CRACDL: variants seen among roughly 807,000 people sequenced by gnomAD.
CRACDL encodes CRACD like.
Under a neutral mutation model 70.6 loss-of-function variants are expected in CRACDL, and 26 were observed. That is an observed-to-expected ratio of 0.37 (90% confidence interval 0.27 to 0.51). The LOEUF is 0.51. CRACDL is among the 20% of genes least tolerant of loss of function. The pLI, the probability that CRACDL is intolerant of heterozygous loss-of-function variation, is 0.94. For missense variants in CRACDL, 1,283 were observed against 1,376.9 expected (o/e 0.93, Z 1.08); for synonymous variants, 618 against 615.2 (o/e 1.00, Z -0.07).
chr2:98,923,270 C>CAA (rs1188228876), intron 1 of CRACDL, among the ~76,000 whole-genome samples: 4 of 75,560 alleles, frequency 5.3e-5, no homozygotes, highest in Non-Finnish European at 8.6e-5. Flanking sequence ...GACACTGTCT[C>CAA]AAAAAAAAAA....
intron 2 of CRACDL, among the ~76,000 whole-genome samples, chr2:98,839,037 C>T (rs565397754): frequency 6.6e-6 from 1 of 152,328 alleles, no homozygotes; most frequent in East Asian, 1.9e-4. Context: ...GGAATAGTTA[C>T]AGAACTGACA....
At chr2:98,813,555 A>G (rs1000566432) in intron 7 of CRACDL, among the ~76,000 whole-genome samples, 1 of 152,224 alleles carries the variant, frequency 6.6e-6, no homozygotes, top group Non-Finnish European at 1.5e-5. Flanking sequence ...CCTAAGTCTC[A>G]CATCATATAC....
At position 98,836,977 on chromosome 2, in the gene CRACDL, C is replaced by A. The variant is rs138415320; in HGVS notation, c.239+1142G>T. On this transcript the variant is annotated intron_variant, in intron 3 of 9. Transcript: ENST00000397899. ...GCGGGTGCCTGTAGTCCCAGCTACT[C>A]GGGAGGCTGAGGCAGGAGGATGGCG... Among the ~76,000 whole-genome samples, 792 of 151,326 alleles carry A rather than the reference C, an allele frequency of 5.2e-3. 9 individuals are homozygous for A. Among genetic ancestry groups the A allele is most frequent in the African/African-American group, 0.018 (760 of 41,224 alleles).
chr2:98,915,462 G>A (rs1273561734), intron 1 of CRACDL, among the ~76,000 whole-genome samples: 1 of 152,142 alleles, frequency 6.6e-6, no homozygotes, highest in East Asian at 1.9e-4. Context: ...CCGGGGACTG[G>A]TGGAACATGA....
intron 2 of CRACDL, among the ~76,000 whole-genome samples, chr2:98,842,913 A>C (rs567207981): frequency 6.7e-6 from 1 of 148,324 alleles, no homozygotes. Flanking sequence ...TGTAAACATA[A>C]GTTTTCACTG....
chr2:98,907,756 T>A (rs1410061816), intron 1 of CRACDL, among the ~76,000 whole-genome samples: 1 of 152,192 alleles, frequency 6.6e-6, no homozygotes, highest in African/African-American at 2.4e-5. Flanking sequence ...CTGTCCAATA[T>A]CACAATTGCT....
intron 8 of CRACDL, 42 bp downstream of exon 8, chr2:98,797,308 T>C: frequency 6.3e-7 from 1 of 1,589,436 alleles, no homozygotes; most frequent in South Asian, 1.1e-5. Context: ...AGCTGGCTGC[T>C]CCCTCCTGCA....
chr2:98,796,722 T>A (rs1703838195), intron 8 of CRACDL, among the ~76,000 whole-genome samples: 1 of 152,140 alleles, frequency 6.6e-6, no homozygotes, highest in Non-Finnish European at 1.5e-5. Context: ...AGGCTCAGGC[T>A]CTCTTCCCCA....
At chr2:98,891,449 G>A (rs1001933197) in intron 1 of CRACDL, among the ~76,000 whole-genome samples, 1 of 149,774 alleles carries the variant, frequency 6.7e-6, no homozygotes, top group Non-Finnish European at 1.5e-5. Context: ...TTGGATTTGG[G>A]ATGGTCAACC....
At chr2:98,920,667 C>T (rs540065161) in intron 1 of CRACDL, among the ~76,000 whole-genome samples, 7 of 152,280 alleles carry the variant, frequency 4.6e-5, no homozygotes, top group Admixed American at 1.3e-4. Context: ...CCTGTGGAAA[C>T]GGGTCTCACT....
chr2:98,852,547 CA>C (rs1480948674), intron 1 of CRACDL, among the ~76,000 whole-genome samples: 3 of 151,634 alleles, frequency 2.0e-5, no homozygotes, highest in African/African-American at 7.3e-5. Context: ...AAATAGCCAA[CA>C]AAGACTTTAA....
At chr2:98,852,406 T>C (rs1327135057) in intron 1 of CRACDL, among the ~76,000 whole-genome samples, 2 of 152,098 alleles carry the variant, frequency 1.3e-5, no homozygotes, top group Admixed American at 6.5e-5. Flanking sequence ...AGAGTTCCTA[T>C]GAAATATCAT....
chr2:98,883,010 A>T (rs1275854581), intron 1 of CRACDL, among the ~76,000 whole-genome samples: 2 of 152,232 alleles, frequency 1.3e-5, no homozygotes, highest in Non-Finnish European at 2.9e-5. Flanking sequence ...GCACGTGCCC[A>T]GTGTGATCTG....
chr2:98,829,670 G>C (rs1201089094), intron 5 of CRACDL, among the ~76,000 whole-genome samples: 1 of 152,190 alleles, frequency 6.6e-6, no homozygotes, highest in African/African-American at 2.4e-5. Flanking sequence ...TTGCAGGGAA[G>C]GCAGCTCAAA....
chr2:98,831,656 T>G (rs1705547843), intron 5 of CRACDL, among the ~76,000 whole-genome samples: 1 of 152,222 alleles, frequency 6.6e-6, no homozygotes, highest in South Asian at 2.1e-4. Flanking sequence ...CATTAAGTGT[T>G]CTTACCACAA....
intron 3 of CRACDL, among the ~76,000 whole-genome samples, chr2:98,835,487 G>A (rs1198460127): frequency 2.0e-5 from 3 of 152,176 alleles, no homozygotes; most frequent in Non-Finnish European, 4.4e-5. Context: ...AAGACGGAGC[G>A]AATTTCAAGT....
intron 1 of CRACDL, among the ~76,000 whole-genome samples, chr2:98,874,559 T>C (rs1471824557): frequency 1.3e-5 from 2 of 152,188 alleles, no homozygotes; most frequent in Admixed American, 6.5e-5. Flanking sequence ...AGAATAGTCA[T>C]TGGAGAACTT....
Position 98,936,200 on chromosome 2 carries a change from C to A in CRACDL, c.-273G>T, listed in dbSNP as rs972468835. ...CCAGCTCCCAGCTCCCAGCTGCAGG[C>A]GCGCCGGCTTCGCTCGGCTCCGCTC... On this transcript the variant is annotated 5_prime_UTR_variant, in exon 1 of 10. Coordinates refer to ENST00000397899, the MANE Select transcript of CRACDL (RefSeq NM_207362.3). 5 of 150,534 alleles carry A rather than the reference C, an allele frequency of 3.3e-5. No individual in the cohort carries two copies. The highest frequency in any genetic ancestry group is 9.7e-5 in the African/African-American group (4 of 41,270). 9.3% of individuals were successfully genotyped at this position (150,534 alleles called of 1,614,324 possible). A position where few individuals can be genotyped will look rare whatever the true frequency, so the allele number is the denominator to read the frequency against.
In CRACDL at chr2:98,859,175, C is replaced by T. The variant is rs190406571; in HGVS notation, c.-10-12365G>A. On this transcript the variant is annotated intron_variant, in intron 1 of 9. Transcript: ENST00000397899. ...CCTAATACCAAACCCAAAGACATCA[C>T]AATAAAAGAAAATTATAGACCAATA... Among the ~76,000 whole-genome samples the T allele has an allele frequency of 5.9e-5, 9 of 152,154 alleles. No homozygotes were observed. The East Asian group carries it at 1.2e-3, about 20-fold the overall frequency.
Sources: allele counts gnomAD v4.1 joint callset (sites outside exome capture counted in the v4.1 genomes callset), GRCh38; gene constraint gnomAD v4.1.1; transcripts MANE v1.5; gene names NCBI Gene and HGNC (gene_info 2026-07-23, HGNC 2026-07-21).